TACC2: variants seen among roughly 807,000 people sequenced by gnomAD.
TACC2 encodes the protein transforming acidic coiled-coil containing protein 2.
In TACC2, 137 loss-of-function variants were observed where a neutral mutation model predicts 227.3. The ratio of observed to expected loss-of-function variants is 0.60; its 90% CI spans 0.52 to 0.69. TACC2 has a LOEUF of 0.69. TACC2 is among the 30% of genes least tolerant of loss of function. TACC2 has a pLI of 0.00. For synonymous variants in TACC2, 1,523 were observed against 1,487.5 expected (o/e 1.02, Z -0.55); for missense variants, 3,470 against 3,694.4 (o/e 0.94, Z 1.57).
rs1046135027 is a variant in TACC2, at chr10:122,180,524, G to A, written c.5835-14516G>A. The stretch of plus-strand genomic sequence containing the variant: ...GGCTAATTTTTTTGTGTTTTTGGTA[G>A]AAACGAGGTTTCACCATGTTAGCCA... On this transcript the variant is annotated intron_variant, in intron 7 of 22. Coordinates refer to ENST00000369005, the MANE Select transcript of TACC2 (RefSeq NM_206862.4). This position sits in a 1 kb window ranked among gnomAD's most constrained non-coding sequence, Gnocchi z 4.5. 6.6e-5 allele frequency among the ~76,000 whole-genome samples: 10 copies of A among 152,010 alleles called. No homozygotes were observed. The highest frequency in any genetic ancestry group is 1.2e-4 in the Non-Finnish European group (8 of 68,006).
intron 18 of TACC2, 114 bp downstream of exon 18, chr10:122,238,151 C>T (rs2095897997): frequency 4.1e-6 from 3 of 731,350 alleles, no homozygotes; most frequent in Non-Finnish European, 7.0e-6. Flanking sequence ...GTTCTCTCTT[C>T]TTTATTACAC....
chr10:122,197,570 T>C (rs530961909), intron 8 of TACC2, among the ~76,000 whole-genome samples: 7 of 152,374 alleles, frequency 4.6e-5, no homozygotes, highest in African/African-American at 1.7e-4. Context: ...ATGAGCATTA[T>C]TGAGGATTAA....
At position 122,219,018 on chromosome 10, in the gene TACC2, C is replaced by CAAAAAAAA. The variant is rs61446434; in HGVS notation, c.7546+2200_7546+2207dup. Among the ~76,000 whole-genome samples the CAAAAAAAA allele has an allele frequency of 5.4e-4, 40 of 74,568 alleles. 1 individual carries two copies. Among genetic ancestry groups the CAAAAAAAA allele is most frequent in the Admixed American group, 1.3e-3 (9 of 6,788 alleles). The allele number at this position is 74,568 out of a possible 152,430, so 48.9% of individuals were successfully genotyped here. ...GCCTGGGTGACAGTGAGACTCGTCTCAAAAAAAAAAAAAAAAAGAAAAGTG... is the reference window on the plus strand; with the variant it reads ...GCCTGGGTGACAGTGAGACTCGTCTCAAAAAAAAAAAAAAAAAAAAAAAAAGAAAAGTG... On this transcript the variant is annotated intron_variant, in intron 11 of 22. Coordinates refer to ENST00000369005, the MANE Select transcript of TACC2 (RefSeq NM_206862.4).
intron 1 of TACC2, among the ~76,000 whole-genome samples, chr10:122,010,359 T>C (rs1955771299): frequency 2.5e-5 from 3 of 118,676 alleles, no homozygotes; most frequent in South Asian, 3.4e-4. Context: ...AATAAGAATA[T>C]GGTTTTTTGC....
chr10:122,240,629 G>T (rs980629980), intron 18 of TACC2, among the ~76,000 whole-genome samples: 2 of 152,092 alleles, frequency 1.3e-5, no homozygotes, highest in African/African-American at 2.4e-5. Flanking sequence ...GCTGGGAGGG[G>T]CAAGCTCAGC....
At chr10:122,009,424 A>T (rs2135295732) in intron 1 of TACC2, among the ~76,000 whole-genome samples, 1 of 152,134 alleles carries the variant, frequency 6.6e-6, no homozygotes, top group East Asian at 1.9e-4. Context: ...GAATCGCTCA[A>T]ATCTGGGAGG....
intron 7 of TACC2, among the ~76,000 whole-genome samples, chr10:122,147,947 C>A (rs1044855217): frequency 8.5e-5 from 13 of 152,164 alleles, no homozygotes; most frequent in Non-Finnish European, 5.9e-5. Flanking sequence ...TTCAACCATG[C>A]GGCCATGGCC....
At chr10:122,011,857 G>C (rs1176147075) in intron 1 of TACC2, among the ~76,000 whole-genome samples, 1 of 152,162 alleles carries the variant, frequency 6.6e-6, no homozygotes, top group African/African-American at 2.4e-5. Flanking sequence ...CCAGGAGAAA[G>C]AAGACCTAGG....
chr10:122,188,573 G>A (rs556453697), intron 7 of TACC2, among the ~76,000 whole-genome samples: 1 of 152,188 alleles, frequency 6.6e-6, no homozygotes, highest in African/African-American at 2.4e-5. Context: ...ACAGGCATGA[G>A]CCACGGTGCC....
chr10:122,230,238 C>T (rs1325633251), intron 15 of TACC2, 113 bp from the exon 16 acceptor site: 3 of 844,344 alleles, frequency 3.6e-6, no homozygotes, highest in African/African-American at 3.3e-5. Flanking sequence ...CGTGTTTTTC[C>T]CGAGTGCCTG....
intron 2 of TACC2, among the ~76,000 whole-genome samples, chr10:122,028,088 T>TTTTTTTTTTTCTTTCTTTCTTTTTTTC (rs1958317344): frequency 9.1e-6 from 1 of 110,002 alleles, no homozygotes; most frequent in African/African-American, 4.1e-5. Context: ...TTCTTTCTTT[T>TTTTTTTTTTTCTTTCTTTCTTTTTTTC]TTTTTTTTTT....
At chr10:122,133,404 G>A (rs1014815702) in intron 6 of TACC2, among the ~76,000 whole-genome samples, 1 of 152,120 alleles carries the variant, frequency 6.6e-6, no homozygotes, top group African/African-American at 2.4e-5. Flanking sequence ...CCCAGAATCA[G>A]CTCAGAGTCA....
chr10:122,059,504 T>G (rs1460088000), intron 3 of TACC2, among the ~76,000 whole-genome samples: 2 of 152,170 alleles, frequency 1.3e-5, no homozygotes, highest in African/African-American at 4.8e-5. Context: ...AGCTAACTTT[T>G]GTTTGCGCTT....
rs180764775 is a variant in TACC2, at chr10:122,156,446, G to C, written c.5834+12740G>C. On this transcript the variant is annotated intron_variant, in intron 7 of 22. Coordinates refer to ENST00000369005, the MANE Select transcript of TACC2 (RefSeq NM_206862.4). ...TCACCGTGTTAGCCAGGATGGTCTC[G>C]ATCTCCTGACCTTGTGATCCGCCCA... 1.1e-4 allele frequency among the ~76,000 whole-genome samples: 16 copies of C among 151,886 alleles called. No homozygotes were observed. In the East Asian group the frequency reaches 2.5e-3, roughly 24 times the overall value.
intron 1 of TACC2, among the ~76,000 whole-genome samples, chr10:122,002,437 C>CTG (rs145232452): frequency 0.15 from 23,102 of 151,620 alleles, 2,163 homozygotes; most frequent in Admixed American, 0.24. Context: ...TAGTTTTTGT[C>CTG]TGTGTGTGTG....
Position 122,008,246 on chromosome 10 carries a change from G to GTTATTGTTATTA in TACC2, c.-45-13686_-45-13685insGTTATTATTATT, listed in dbSNP as rs1554958020. Among the ~76,000 whole-genome samples the GTTATTGTTATTA allele has an allele frequency of 8.5e-4, 95 of 111,886 alleles. 1 individual carries two copies. Among genetic ancestry groups the GTTATTGTTATTA allele is most frequent in the African/African-American group, 2.2e-3 (70 of 31,168 alleles). 73.4% of individuals were successfully genotyped at this position (111,886 alleles called of 152,430 possible). A position where few individuals can be genotyped will look rare whatever the true frequency, so the allele number is the denominator to read the frequency against. ...TCCTTTGAATTCTGTCTATCCCTTTGTTATTATTATTATTATTATTTTTTT... is the reference window on the plus strand; with the variant it reads ...TCCTTTGAATTCTGTCTATCCCTTTGTTATTGTTATTATTATTATTATTATTATTATTTTTTT... On this transcript the variant is annotated intron_variant, in intron 1 of 22. Coordinates refer to ENST00000369005, the MANE Select transcript of TACC2 (RefSeq NM_206862.4).
intron 8 of TACC2, among the ~76,000 whole-genome samples, chr10:122,201,729 T>C (rs1332565449): frequency 1.3e-5 from 2 of 152,220 alleles, no homozygotes; most frequent in Non-Finnish European, 2.9e-5. Context: ...CTCAGCCCAT[T>C]ATCCTCCCGG....
intron 1 of TACC2, among the ~76,000 whole-genome samples, chr10:122,003,584 G>A (rs1049784614): frequency 2.0e-4 from 30 of 152,036 alleles, no homozygotes; most frequent in Admixed American, 1.4e-3. Flanking sequence ...GGTCACTTCC[G>A]GATGTGGGCC....
At chr10:122,031,282 C>A (rs185969335) in intron 2 of TACC2, among the ~76,000 whole-genome samples, 1 of 151,970 alleles carries the variant, frequency 6.6e-6, no homozygotes, top group African/African-American at 2.4e-5. Context: ...CACTGGATTG[C>A]GCTCTACTTT....
Sources: allele counts gnomAD v4.1 joint callset (sites outside exome capture counted in the v4.1 genomes callset), GRCh38; gene constraint gnomAD v4.1.1; non-coding constraint Gnocchi (gnomAD v3.1); transcripts MANE v1.5; gene names NCBI Gene and HGNC (gene_info 2026-07-23, HGNC 2026-07-21).